The following DRC1 variants were observed in gnomAD, a reference collection of about 807,000 sequenced individuals.
The protein encoded by DRC1 is dynein regulatory complex protein 1.
Under a neutral mutation model 98.7 loss-of-function variants are expected in DRC1, and 74 were observed. The ratio of observed to expected loss-of-function variants is 0.75; its 90% CI spans 0.62 to 0.91. The LOEUF is 0.91. Ranked by LOEUF, DRC1 falls within the 40% of genes least tolerant of loss-of-function variation. The probability of loss-of-function intolerance (pLI) is 0.00; values close to 1 mark genes in which losing one functional copy is unlikely to be tolerated. For missense variants in DRC1, 875 were observed against 886.0 expected (o/e 0.99, Z 0.16); for synonymous variants, 336 against 334.1 (o/e 1.01, Z -0.06).
At chr2:26,448,908 C>T (rs1663930393) in intron 11 of DRC1, 105 bp downstream of exon 11, 2 of 1,170,488 alleles carry the variant, frequency 1.7e-6, no homozygotes, top group African/African-American at 1.5e-5. Flanking sequence ...GGCCAGTCCT[C>T]CCCTGGCCAA....
chr2:26,403,202 C>T (rs1021412945), intron 1 of DRC1, among the ~76,000 whole-genome samples: 1 of 152,228 alleles, frequency 6.6e-6, no homozygotes, highest in Non-Finnish European at 1.5e-5. Flanking sequence ...CTCCCTGCCC[C>T]CACACATGCA....
chr2:26,448,692 AGAG>A lies in DRC1; in HGVS notation c.1406_1408del (p.Glu469del), dbSNP rs752994092. 1.9e-6 allele frequency: 3 copies of A among 1,613,976 alleles called. No homozygotes were observed. The highest frequency in any genetic ancestry group is 1.3e-5 in the African/African-American group (1 of 74,930). On this transcript the variant is annotated inframe_deletion and splice_region_variant, in exon 11 of 17. Transcript: ENST00000288710. ...CTCCTCCCCATGACCCAACTGCAGAAGAGGAGGAGGCAGAAGAGGCCGCCGCGG... is the reference window on the plus strand; with the variant it reads ...CTCCTCCCCATGACCCAACTGCAGAAGAGGAGGCAGAAGAGGCCGCCGCGG...
At chr2:26,406,118 G>C (rs1444697415) in intron 1 of DRC1, among the ~76,000 whole-genome samples, 2 of 152,138 alleles carry the variant, frequency 1.3e-5, no homozygotes, top group African/African-American at 2.4e-5. Flanking sequence ...AAGGAAAAGA[G>C]ATTAAAATAT....
intron 1 of DRC1, among the ~76,000 whole-genome samples, chr2:26,407,061 C>A (rs1678453102): frequency 6.6e-6 from 1 of 151,966 alleles, no homozygotes; most frequent in Non-Finnish European, 1.5e-5. Context: ...CTCAAGTGAT[C>A]CTGCCACCTT....
chr2:26,428,420 C>A (rs370460792), intron 4 of DRC1, among the ~76,000 whole-genome samples: 1 of 152,180 alleles, frequency 6.6e-6, no homozygotes, highest in African/African-American at 2.4e-5. Flanking sequence ...CAAACCTGTC[C>A]GGAATGCTAC....
chr2:26,409,098 A>ATTTT (rs748498967), intron 1 of DRC1, among the ~76,000 whole-genome samples: 5 of 141,820 alleles, frequency 3.5e-5, no homozygotes, highest in Non-Finnish European at 7.8e-5. Flanking sequence ...TGCCCGGCTA[A>ATTTT]TTTTTTTTTT....
rs148643291 is a variant in DRC1, at chr2:26,414,427, G to A, written c.239G>A (p.Arg80Gln). Residue 80 changes from arginine to glutamine, a missense_variant, in exon 2 of 17, where the codon CGA becomes CAA. Coordinates refer to ENST00000288710, the MANE Select transcript of DRC1 (RefSeq NM_145038.5). Reference protein sequence around the residue: ...SKSYKQKEESRLKLAKLLLCG... With the variant: ...SKSYKQKEESQLKLAKLLLCG... ...AGCTACAAACAGAAAGAAGAAAGCC[G>A]ATTGGTATGAACTGGTTGGCAGATG... 40 of 1,613,320 alleles carry A rather than the reference G, an allele frequency of 2.5e-5. No homozygotes were observed. Among genetic ancestry groups the A allele is most frequent in the Middle Eastern group, 1.7e-4 (1 of 6,060 alleles).
At chr2:26,450,862 A>G (rs1663987624) in intron 13 of DRC1, among the ~76,000 whole-genome samples, 181 bp downstream of exon 13, 1 of 152,142 alleles carries the variant, frequency 6.6e-6, no homozygotes, top group African/African-American at 2.4e-5. Flanking sequence ...TATTTCTCCT[A>G]ATGTTATCCC....
In DRC1 at chr2:26,424,430, T is replaced by G. The variant is rs200486076; in HGVS notation, c.516T>G (p.Asn172Lys). ...GTGCTGGACTCTTAGAAGATAAGAA[T>G]AAACTCATCAGCGAGTTACAGCAGG... Reference protein sequence around the residue: ...LHCAGLLEDKNKLISELQQEL... With the variant: ...LHCAGLLEDKKKLISELQQEL... The change falls in exon 4 of 17, where the codon AAT becomes AAG. Residue 172 changes from asparagine to lysine, a missense_variant. Physicochemically the swap from Asn to Lys is moderately conservative, Grantham distance 94. Transcript: ENST00000288710. The G allele has an allele frequency of 2.5e-6, 4 of 1,612,366 alleles. 1 individual carries two copies. In the East Asian group the frequency reaches 8.9e-5, roughly 36 times the overall value.
intron 7 of DRC1, among the ~76,000 whole-genome samples, chr2:26,432,294 C>G (rs980916265): frequency 5.3e-5 from 8 of 151,962 alleles, no homozygotes; most frequent in Admixed American, 5.2e-4. Context: ...CCCCGGAGTT[C>G]GAGACCAACC....
At chr2:26,427,183 C>G (rs1276528958) in intron 4 of DRC1, among the ~76,000 whole-genome samples, 1 of 152,108 alleles carries the variant, frequency 6.6e-6, no homozygotes, top group Non-Finnish European at 1.5e-5. Context: ...GTAGACTGAT[C>G]TTGGCTCACT....
intron 1 of DRC1, among the ~76,000 whole-genome samples, chr2:26,413,149 T>A (rs181503159): frequency 1.3e-5 from 2 of 152,334 alleles, no homozygotes; most frequent in East Asian, 3.9e-4. Flanking sequence ...TCCCTTTACT[T>A]AACTGCTGTG....
At chr2:26,410,245 A>ATATTAT (rs10573963) in intron 1 of DRC1, among the ~76,000 whole-genome samples, 26,696 of 142,814 alleles carry the variant, frequency 0.19, 2,807 homozygotes, top group Non-Finnish European at 0.23. Context: ...TATAGAGAAA[A>ATATTAT]TATTATTATT....
At chr2:26,430,707 T>C in intron 5 of DRC1, 79 bp from the exon 6 acceptor site, 1 of 1,440,902 alleles carries the variant, frequency 6.9e-7, no homozygotes, top group East Asian at 2.3e-5. Context: ...GCACTTATAG[T>C]TACCTGAAAG....
intron 16 of DRC1, 30 bp downstream of exon 16, chr2:26,455,263 A>G (rs969141822): frequency 1.3e-6 from 2 of 1,598,292 alleles, no homozygotes; most frequent in Non-Finnish European, 1.7e-6. Context: ...AAGGAGGGGC[A>G]GCGGGAGACA....
chr2:26,424,942 T>C (rs1572364214), intron 4 of DRC1, among the ~76,000 whole-genome samples: 1 of 151,876 alleles, frequency 6.6e-6, no homozygotes, highest in Admixed American at 6.6e-5. Context: ...ACAGAGGGAG[T>C]GAGACTCTGT....
In DRC1 at chr2:26,403,640, C is replaced by T. The variant is rs564142308; in HGVS notation, c.155+1496C>T. Among the ~76,000 whole-genome samples the T allele has an allele frequency of 2.6e-5, 4 of 151,812 alleles. 1 individual carries two copies. The South Asian group carries it at 8.3e-4, about 32-fold the overall frequency. On this transcript the variant is annotated intron_variant, in intron 1 of 16. Coordinates refer to ENST00000288710, the MANE Select transcript of DRC1 (RefSeq NM_145038.5). ...CGAAACCCTGTCTGTACTAAAAATA[C>T]AAAAATTAGCCAGGTGTGGTGGCAG...
At chr2:26,407,591 C>G (rs1040814258) in intron 1 of DRC1, among the ~76,000 whole-genome samples, 1 of 152,058 alleles carries the variant, frequency 6.6e-6, no homozygotes, top group African/African-American at 2.4e-5. Flanking sequence ...GAGGTCTTAT[C>G]AAAGGCTGAC....
At chr2:26,428,186 A>G (rs1663334359) in intron 4 of DRC1, among the ~76,000 whole-genome samples, 1 of 152,244 alleles carries the variant, frequency 6.6e-6, no homozygotes, top group East Asian at 1.9e-4. Flanking sequence ...TTCAAGGGAT[A>G]AACTTTTAAC....
Sources: gnomAD v4.1 joint callset for allele counts (sites outside exome capture counted in the v4.1 genomes callset) on GRCh38, gnomAD v4.1.1 for gene constraint, MANE v1.5 for transcripts, NCBI Gene and HGNC (gene_info 2026-07-23, HGNC 2026-07-21) for gene names.